The following SETX variants were observed in gnomAD, a reference collection of about 807,000 sequenced individuals.
The protein encoded by SETX is helicase senataxin.
A neutral mutation model predicts 227.2 loss-of-function variants in SETX; 90 were observed. The observed-to-expected ratio is 0.40, with a 90% CI of 0.33 to 0.47. The LOEUF is 0.47. Among genes scored for constraint, SETX ranks in the 20% least tolerant of loss-of-function variants. The pLI, the probability that SETX is intolerant of heterozygous loss-of-function variation, is 0.91. For missense variants in SETX, 3,052 were observed against 3,181.5 expected, an observed-to-expected ratio of 0.96 and a Z score of 0.98; for synonymous variants, 1,210 against 1,113.2, an observed-to-expected ratio of 1.09 and a Z score of -1.73.
At chr9:132,291,572 A>C (rs750445305) in intron 15 of SETX, among the ~76,000 whole-genome samples, 1 of 152,170 alleles carries the variant, frequency 6.6e-6, no homozygotes, top group Non-Finnish European at 1.5e-5. Context: ...TATAACAGAT[A>C]TCCTTTACAC....
At chr9:132,335,543 T>C (rs1054453058) in intron 6 of SETX, among the ~76,000 whole-genome samples, 29 of 151,086 alleles carry the variant, frequency 1.9e-4, no homozygotes, top group South Asian at 6.3e-4. Flanking sequence ...AGTAGCACAA[T>C]CCTAGCTCAC....
chr9:132,317,531 G>A (rs1846052044), intron 10 of SETX, among the ~76,000 whole-genome samples: 1 of 152,008 alleles, frequency 6.6e-6, no homozygotes, highest in South Asian at 2.1e-4. Context: ...GATATCTAGT[G>A]TCTTTGCCCC....
chr9:132,335,042 AT>A (rs2131494744), intron 6 of SETX, among the ~76,000 whole-genome samples: 1 of 152,130 alleles, frequency 6.6e-6, no homozygotes, highest in Admixed American at 6.5e-5. Context: ...GAAAAAAAAA[AT>A]CACTGCCATT....
rs756600708 is a variant in SETX at position 132,349,365 on chromosome 9, C to T, written c.64G>A (p.Ala22Thr). ...ASTIDFLKRYASNTPSGEFQT... is the reference protein window; with the variant it reads ...ASTIDFLKRYTSNTPSGEFQT... ...AATTCACCGGACGGAGTGTTGGAAGCATAGCGCTTTAGGAAGTCAATGGTG... is the reference window on the plus strand; with the variant it reads ...AATTCACCGGACGGAGTGTTGGAAGTATAGCGCTTTAGGAAGTCAATGGTG... The change falls in exon 3 of 26, where the codon GCT becomes ACT. Residue 22 changes from alanine (A) to threonine (T), a missense_variant. Physicochemically the swap from Ala to Thr is moderately conservative, Grantham distance 58 (BLOSUM62 0). Coordinates refer to ENST00000224140, the MANE Select transcript of SETX (RefSeq NM_015046.7). 8.1e-6 allele frequency: 13 copies of T among 1,614,018 alleles called. No individual in the cohort carries two copies. The Admixed American group carries it at 1.3e-4, about 17-fold the overall frequency.
Position 132,333,404 on chromosome 9 carries a change from A to ATATATATAT in SETX, c.838+1203_838+1204insATATATATA, listed in dbSNP as rs1455820977. Among the ~76,000 whole-genome samples the ATATATATAT allele has an allele frequency of 1.8e-3, 110 of 61,494 alleles. 10 individuals are homozygous for ATATATATAT. Among genetic ancestry groups the ATATATATAT allele is most frequent in the African/African-American group, 7.5e-3 (108 of 14,482 alleles). The allele number at this position is 61,494 out of a possible 152,430, so 40.3% of individuals were successfully genotyped here. On this transcript the variant is annotated intron_variant, in intron 7 of 25. Coordinates refer to ENST00000224140, the MANE Select transcript of SETX (RefSeq NM_015046.7). ...AAAAGAAAAAAAAAAAAAAGAAAAA[A>ATATATATAT]AAAAATATATATACACACACACACA...
intron 7 of SETX, among the ~76,000 whole-genome samples, chr9:132,333,568 C>T (rs514560): frequency 0.9 from 136,344 of 151,700 alleles, 61,370 homozygotes; most frequent in Non-Finnish European, 0.92. Context: ...AAAAATTATA[C>T]TCATTATGTT....
In SETX at chr9:132,330,112, G is replaced by A. The variant is rs748148688; in HGVS notation, c.1486C>T (p.Pro496Ser). 6 of 1,613,748 alleles carry A rather than the reference G, an allele frequency of 3.7e-6. No homozygotes were observed. In the South Asian group the frequency reaches 6.6e-5, roughly 18 times the overall value. Residue 496 changes from proline to serine, a missense_variant, in exon 10 of 26, where the codon CCT (proline) becomes TCT (serine). By Grantham distance (74) the Pro-to-Ser change is moderately conservative. Transcript: ENST00000224140. ...VEAVVKCAKL[P>S]TTAFTRSSEK... ...GAACTCCGTGTAAACGCAGTGGTAG[G>A]AAGCTTGGCACATTTGACGACGGCT...
chr9:132,269,333 C>T, intron 25 of SETX: 1 of 1,181,570 alleles, frequency 8.5e-7, no homozygotes, highest in South Asian at 1.4e-5. Flanking sequence ...TGGCACTTTA[C>T]ATCTGTGGGT....
intron 7 of SETX, among the ~76,000 whole-genome samples, chr9:132,333,014 A>T (rs1027678360): frequency 6.6e-6 from 1 of 151,962 alleles, no homozygotes; most frequent in African/African-American, 2.4e-5. Context: ...AGGCACAGGG[A>T]AAGAAATGAA....
chr9:132,275,841 CA>C (rs1389811802), intron 22 of SETX, among the ~76,000 whole-genome samples: 49 of 152,318 alleles, frequency 3.2e-4, no homozygotes, highest in African/African-American at 1.2e-3. Flanking sequence ...AAATGCTTTA[CA>C]TGTATGATCT....
chr9:132,309,547 G>A (rs954497527), intron 11 of SETX, among the ~76,000 whole-genome samples: 3 of 152,088 alleles, frequency 2.0e-5, no homozygotes, highest in Admixed American at 6.5e-5. Context: ...CTTTAAAAAC[G>A]TAAAAACCAG....
chr9:132,329,728 T>C lies in SETX; in HGVS notation c.1870A>G (p.Ser624Gly). 6.2e-7 allele frequency: 1 copy of C among 1,614,158 alleles called. No individual in the cohort carries two copies. Among genetic ancestry groups the C allele is most frequent in the Non-Finnish European group, 8.5e-7 (1 of 1,180,026 alleles). Reference sequence around the variant, plus strand: ...CTAGACGTCTTCCCCATTTGTTCACTTTCTTCTTTATTATAAGATGCAGGA... The same window carrying C: ...CTAGACGTCTTCCCCATTTGTTCACCTTCTTCTTTATTATAAGATGCAGGA... ...ISPASYNKEE[S>G]EQMGKTSRKD... is the part of the protein sequence containing the mutation. Residue 624 changes from serine to glycine, a missense_variant, in exon 10 of 26, where the codon AGT becomes GGT. Physicochemically the swap from Ser to Gly is moderately conservative, Grantham distance 56. This residue lies in a region of SETX where 1,483 missense variants were observed against 1,312.0 expected (regional missense o/e 1.13). Coordinates refer to ENST00000224140, the MANE Select transcript of SETX (RefSeq NM_015046.7).
Position 132,269,605 on chromosome 9 carries a change from T to C in SETX, c.7287+10A>G. ...ACAATGGGTAAACTTCTGAGCTCTC[T>C]GGTACCTACCATCAGGGTCCTCAAA... is the stretch of plus-strand genomic sequence containing the variant. On this transcript the variant is annotated intron_variant, in intron 25 of 25. Coordinates refer to ENST00000224140, the MANE Select transcript of SETX (RefSeq NM_015046.7). 2 of 1,614,092 alleles carry C rather than the reference T, an allele frequency of 1.2e-6. No homozygotes were observed. Among genetic ancestry groups the C allele is most frequent in the Non-Finnish European group, 1.7e-6 (2 of 1,179,890 alleles).
intron 18 of SETX, among the ~76,000 whole-genome samples, chr9:132,285,011 T>C (rs1843762886): frequency 1.3e-5 from 2 of 151,920 alleles, no homozygotes; most frequent in Non-Finnish European, 2.9e-5. Flanking sequence ...CCCGAGTAGG[T>C]GGGATTACAG....
chr9:132,268,266 C>G (rs80194826), intron 25 of SETX, among the ~76,000 whole-genome samples: 14,178 of 152,260 alleles, frequency 0.093, 733 homozygotes, highest in South Asian at 0.15. Context: ...TGATAAAAAT[C>G]AACTTTTTAG....
chr9:132,297,437 C>A (rs1844737186), intron 13 of SETX, among the ~76,000 whole-genome samples: 1 of 152,138 alleles, frequency 6.6e-6, no homozygotes, highest in South Asian at 2.1e-4. Flanking sequence ...CATCCCAAGA[C>A]TATTTATTTC....
At chr9:132,333,750 T>C (rs1399022753) in intron 7 of SETX, among the ~76,000 whole-genome samples, 1 of 152,150 alleles carries the variant, frequency 6.6e-6, no homozygotes, top group Non-Finnish European at 1.5e-5. Flanking sequence ...TTATCTAGAC[T>C]ATCTGGAGCA....
chr9:132,331,375 G>C lies in SETX; in HGVS notation c.912C>G (p.Val304=), dbSNP rs1473756878. 1.2e-6 allele frequency: 2 copies of C among 1,613,996 alleles called. No homozygotes were observed. The highest frequency in any genetic ancestry group is 2.2e-5 in the South Asian group (2 of 91,080). ...CAATAGGATCCATAAGTTGACCCCA[G>C]ACCTTAGATCCAAGGCGATCCAGAA... The part of the protein sequence containing the change: ...MVILDRLGSK[V]WGQLMDPIVA... Residue 304 remains valine, a synonymous_variant, in exon 8 of 26, where the codon GTC becomes GTG. Coordinates refer to ENST00000224140, the MANE Select transcript of SETX (RefSeq NM_015046.7).
intron 5 of SETX, among the ~76,000 whole-genome samples, chr9:132,342,248 T>C (rs537319733): frequency 2.6e-5 from 4 of 152,200 alleles, no homozygotes; most frequent in Non-Finnish European, 5.9e-5. Flanking sequence ...TGCTCACTGT[T>C]CTGGATTTTG....
Sources: gnomAD v4.1 joint callset for allele counts (sites outside exome capture counted in the v4.1 genomes callset) on GRCh38, gnomAD v4.1.1 for gene constraint, gnomAD v4.1.1 regional missense constraint, MANE v1.5 for transcripts, NCBI Gene and HGNC (gene_info 2026-07-23, HGNC 2026-07-21) for gene names.